SLC15A1: variants seen among roughly 807,000 people sequenced by gnomAD.
The protein encoded by SLC15A1 is solute carrier family 15 member 1.
A neutral mutation model predicts 92.9 loss-of-function variants in SLC15A1; 83 were observed. That is an observed-to-expected ratio of 0.89 (90% CI 0.75 to 1.07). The LOEUF (loss-of-function observed/expected upper bound fraction) is 1.07, where lower values mean the gene tolerates loss of function less well. SLC15A1 is among the 50% of genes least tolerant of loss of function. The pLI, the probability that SLC15A1 is intolerant of heterozygous loss-of-function variation, is 0.00. For synonymous variants in SLC15A1, 322 were observed against 318.2 expected (o/e 1.01, Z -0.13); for missense variants, 857 against 880.1 (o/e 0.97, Z 0.33).
chr13:98,740,009 T>C (rs1282350386), intron 1 of SLC15A1, among the ~76,000 whole-genome samples: 1 of 152,102 alleles, frequency 6.6e-6, no homozygotes, highest in Non-Finnish European at 1.5e-5. Flanking sequence ...TCAATTACAT[T>C]GACCCAAAGT....
At chr13:98,690,307 C>CG (rs1424710025) in intron 18 of SLC15A1, among the ~76,000 whole-genome samples, 1 of 152,132 alleles carries the variant, frequency 6.6e-6, no homozygotes, top group East Asian at 1.9e-4. Flanking sequence ...CCTGAAGTCC[C>CG]GAGGCCTTCT....
chr13:98,740,598 T>C (rs1019209143), intron 1 of SLC15A1, among the ~76,000 whole-genome samples: 5 of 152,122 alleles, frequency 3.3e-5, no homozygotes, highest in African/African-American at 1.2e-4. Flanking sequence ...CAGGGCTCTT[T>C]AGACCCTTTA....
At chr13:98,724,900 C>T (rs1172143346) in intron 4 of SLC15A1, among the ~76,000 whole-genome samples, 1 of 152,162 alleles carries the variant, frequency 6.6e-6, no homozygotes, top group Non-Finnish European at 1.5e-5. Flanking sequence ...GTCCATGCTA[C>T]AGTTTGGTTA....
rs11309992 is a variant in SLC15A1, at chr13:98,686,949, C to CTT, written c.1827+630_1827+631dup. On this transcript the variant is annotated intron_variant, in intron 21 of 22. Coordinates refer to ENST00000376503, the MANE Select transcript of SLC15A1 (RefSeq NM_005073.4). ...TTCTTTTAAACTTTTTCTTTTTCTTCTTTTTTTTTTTTTTTTGAGATGGTG... is the reference window on the plus strand; with the variant it reads ...TTCTTTTAAACTTTTTCTTTTTCTTCTTTTTTTTTTTTTTTTTTGAGATGGTG... Among the ~76,000 whole-genome samples, 612 of 131,290 alleles carry CTT rather than the reference C, an allele frequency of 4.7e-3. 4 individuals carry two copies. Among genetic ancestry groups the CTT allele is most frequent in the Middle Eastern group, 7.6e-3 (2 of 264 alleles). 86.1% of individuals were successfully genotyped at this position (131,290 alleles called of 152,430 possible).
intron 1 of SLC15A1, among the ~76,000 whole-genome samples, chr13:98,727,077 G>A (rs567632411): frequency 1.3e-5 from 2 of 152,244 alleles, no homozygotes; most frequent in South Asian, 2.1e-4. Context: ...GGCAATTCTC[G>A]TATGCAGTCA....
Position 98,702,518 on chromosome 13 carries a change from A to G in SLC15A1, c.1428T>C (p.Gly476=). The G allele has an allele frequency of 6.2e-7, 1 of 1,604,890 alleles. No homozygotes were observed. ...CCCCTTTTTCTGGCTTCTGGTTAAG[A>G]CCATCCTTTACCTGAGAGAGAAAAC... ...APNHYQVVKD[G]LNQKPEKGEN... Residue 476 remains glycine, a synonymous_variant, in exon 18 of 23, where the codon GGT becomes GGC. Transcript: ENST00000376503.
At chr13:98,703,717 C>A (rs199739135) in intron 17 of SLC15A1, among the ~76,000 whole-genome samples, 3 of 151,906 alleles carry the variant, frequency 2.0e-5, no homozygotes, top group African/African-American at 4.8e-5. Flanking sequence ...CCACCACACT[C>A]AGCTAATTTT....
intron 1 of SLC15A1, among the ~76,000 whole-genome samples, chr13:98,747,568 A>G (rs2139615843): frequency 6.6e-6 from 1 of 152,320 alleles, no homozygotes; most frequent in South Asian, 2.1e-4. Context: ...CTCAAAGGGC[A>G]GTAGAAAAAA....
At chr13:98,740,808 C>T (rs1382840360) in intron 1 of SLC15A1, among the ~76,000 whole-genome samples, 1 of 152,116 alleles carries the variant, frequency 6.6e-6, no homozygotes, top group Non-Finnish European at 1.5e-5. Context: ...GATATGGGTG[C>T]CTGGTGTCAC....
At chr13:98,741,345 G>A (rs1420911459) in intron 1 of SLC15A1, among the ~76,000 whole-genome samples, 1 of 152,202 alleles carries the variant, frequency 6.6e-6, no homozygotes, top group African/African-American at 2.4e-5. Flanking sequence ...AGGCACGGTG[G>A]CTCACACCTG....
chr13:98,717,416 G>A (rs1828541359), intron 8 of SLC15A1, among the ~76,000 whole-genome samples: 2 of 152,202 alleles, frequency 1.3e-5, no homozygotes, highest in Admixed American at 1.3e-4. Context: ...TCTAGAGGCA[G>A]TGTTGACACA....
rs539264359 is a variant in SLC15A1, at chr13:98,740,987, T to C, written c.4+11608A>G. 3.9e-5 allele frequency among the ~76,000 whole-genome samples: 6 copies of C among 152,346 alleles called. No homozygotes were observed. In the South Asian group the frequency reaches 1.2e-3, roughly 32 times the overall value. On this transcript the variant is annotated intron_variant, in intron 1 of 22. Coordinates refer to ENST00000376503, the MANE Select transcript of SLC15A1 (RefSeq NM_005073.4). ...TTTCTGGAGTGGCTCTTGTTGAGGCTGTTTCTTGCCCAGCTTGATGCTTTT... is the reference window on the plus strand; with the variant it reads ...TTTCTGGAGTGGCTCTTGTTGAGGCCGTTTCTTGCCCAGCTTGATGCTTTT...
intron 1 of SLC15A1, among the ~76,000 whole-genome samples, chr13:98,733,337 A>G (rs948435188): frequency 6.6e-6 from 1 of 152,208 alleles, no homozygotes; most frequent in Non-Finnish European, 1.5e-5. Flanking sequence ...CTTTATAATC[A>G]CTACTTACAT....
chr13:98,692,663 A>T (rs1439301979), intron 18 of SLC15A1, among the ~76,000 whole-genome samples: 2 of 152,248 alleles, frequency 1.3e-5, no homozygotes, highest in Non-Finnish European at 2.9e-5. Context: ...CTCTATGTTT[A>T]ACATTTCAAA....
In SLC15A1 at chr13:98,688,492, A is replaced by G. The variant is rs1345524444; in HGVS notation, c.1552T>C (p.Tyr518His). 2 of 1,613,892 alleles carry G rather than the reference A, an allele frequency of 1.2e-6. No individual in the cohort carries two copies. The highest frequency in any genetic ancestry group is 1.7e-6 in the Non-Finnish European group (2 of 1,179,920). The change falls in exon 19 of 23, where the codon TAC (tyrosine) becomes CAC (histidine). Residue 518 changes from tyrosine (Y) to histidine (H), a missense_variant. Coordinates refer to ENST00000376503, the MANE Select transcript of SLC15A1 (RefSeq NM_005073.4). The stretch of plus-strand genomic sequence containing the variant: ...TACATGCCAGAAGGAAAAAACTGGT[A>G]TGTGCTGGCATTGTAGCTGCTGATG... Reference protein sequence around the residue: ...ANISSYNASTYQFFPSGIKGF... With the variant: ...ANISSYNASTHQFFPSGIKGF...
At chr13:98,707,648 C>A (rs1566447812) in intron 15 of SLC15A1, among the ~76,000 whole-genome samples, 1 of 152,078 alleles carries the variant, frequency 6.6e-6, no homozygotes, top group African/African-American at 2.4e-5. Flanking sequence ...GGGGCTCATG[C>A]CTGTAATGCC....
chr13:98,684,941 G>A (rs2087919015), intron 22 of SLC15A1, 26 bp from the exon 23 acceptor site: 3 of 1,586,708 alleles, frequency 1.9e-6, no homozygotes, highest in East Asian at 2.3e-5. Flanking sequence ...AGTTGGAGCA[G>A]GAAAAAGAAC....
chr13:98,712,449 T>A (rs780414056), intron 10 of SLC15A1, 49 bp downstream of exon 10: 1 of 1,407,750 alleles, frequency 7.1e-7, no homozygotes, highest in East Asian at 2.3e-5. Context: ...TTTTTCAGTG[T>A]TCACTTCCTG....
intron 18 of SLC15A1, among the ~76,000 whole-genome samples, chr13:98,690,769 C>T (rs899467242): frequency 2.6e-5 from 4 of 152,140 alleles, no homozygotes; most frequent in African/African-American, 4.8e-5. Flanking sequence ...CCTTTGGCTC[C>T]GAGGCTACAA....
Sources: gnomAD v4.1 joint callset for allele counts (sites outside exome capture counted in the v4.1 genomes callset) on GRCh38, gnomAD v4.1.1 for gene constraint, MANE v1.5 for transcripts, NCBI Gene and HGNC (gene_info 2026-07-23, HGNC 2026-07-21) for gene names.